The following EYS variants were observed in gnomAD, a reference collection of about 807,000 sequenced individuals.
EYS encodes EGF-like photoreceptor maintenance factor.
Under a neutral mutation model 282.1 loss-of-function variants are expected in EYS, and 250 were observed. That is an observed-to-expected ratio of 0.89 (90% CI 0.80 to 0.98). The LOEUF (loss-of-function observed/expected upper bound fraction) is 0.98, where lower values mean the gene tolerates loss of function less well. EYS is among the 50% of genes least tolerant of loss of function. The probability of loss-of-function intolerance (pLI) is 0.00; values close to 1 mark genes in which losing one functional copy is unlikely to be tolerated. For synonymous variants in EYS, 1,355 were observed against 1,282.9 expected (o/e 1.06, Z -1.20); for missense variants, 4,016 against 3,709.0 (o/e 1.08, Z -2.15).
At chr6:64,363,119 A>G (rs1772071137) in intron 29 of EYS, among the ~76,000 whole-genome samples, 1 of 151,544 alleles carries the variant, frequency 6.6e-6, no homozygotes, top group Non-Finnish European at 1.5e-5. Flanking sequence ...TATGTGGGCT[A>G]GACTTTCTTT....
At chr6:64,258,594 C>A (rs1337899846) in intron 30 of EYS, among the ~76,000 whole-genome samples, 1 of 151,980 alleles carries the variant, frequency 6.6e-6, no homozygotes, top group African/African-American at 2.4e-5. Context: ...TGACAGCTAT[C>A]CTGTTTCAAA....
intron 12 of EYS, among the ~76,000 whole-genome samples, chr6:65,141,022 G>T (rs970502241): frequency 1.4e-4 from 21 of 151,726 alleles, no homozygotes; most frequent in Non-Finnish European, 2.9e-4. Flanking sequence ...AAATCATGCT[G>T]CTATAAAGAC....
chr6:65,228,039 T>C (rs768316111), intron 12 of EYS, among the ~76,000 whole-genome samples: 3 of 151,998 alleles, frequency 2.0e-5, no homozygotes, highest in Non-Finnish European at 2.9e-5. Context: ...ACTACTGAAT[T>C]ATATGTTTTA....
chr6:64,368,556 G>A (rs751545692), intron 29 of EYS, among the ~76,000 whole-genome samples: 19 of 151,984 alleles, frequency 1.3e-4, no homozygotes, highest in Non-Finnish European at 1.9e-4. Flanking sequence ...TCTTTTCTCT[G>A]TAGCCTTGCC....
intron 26 of EYS, among the ~76,000 whole-genome samples, chr6:64,477,165 C>A (rs933334564): frequency 2.0e-5 from 3 of 152,106 alleles, no homozygotes; most frequent in Non-Finnish European, 4.4e-5. Context: ...CGTTTCTCTT[C>A]AGTGACTTTG....
intron 1 of EYS, among the ~76,000 whole-genome samples, chr6:65,684,797 C>A (rs1768952537): frequency 6.6e-6 from 1 of 152,008 alleles, no homozygotes; most frequent in African/African-American, 2.4e-5. Flanking sequence ...TATTTCATCA[C>A]CCAAGTAATA....
intron 31 of EYS, among the ~76,000 whole-genome samples, chr6:64,185,833 T>C (rs13198056): frequency 0.31 from 46,752 of 152,042 alleles, 7,267 homozygotes; most frequent in East Asian, 0.5. Flanking sequence ...AGATGTGCTA[T>C]TCACTTAATA....
At chr6:63,869,454 A>T (rs1450504177) in intron 35 of EYS, among the ~76,000 whole-genome samples, 1 of 152,136 alleles carries the variant, frequency 6.6e-6, no homozygotes, top group Non-Finnish European at 1.5e-5. Context: ...TTTCTTCCCC[A>T]GCAAGTGCAT....
chr6:64,347,040 A>G (rs1771431967), intron 29 of EYS, among the ~76,000 whole-genome samples: 2 of 151,438 alleles, frequency 1.3e-5, no homozygotes, highest in Non-Finnish European at 3.0e-5. Context: ...ACTACTTCAC[A>G]TCACATTCTT....
At chr6:64,080,321 A>G (rs1233895661) in intron 32 of EYS, among the ~76,000 whole-genome samples, 1 of 152,080 alleles carries the variant, frequency 6.6e-6, no homozygotes, top group Admixed American at 6.6e-5. Context: ...GATGATGAGC[A>G]TTTTTTCATG....
At chr6:64,124,983 C>T (rs1172638295) in intron 31 of EYS, among the ~76,000 whole-genome samples, 1 of 152,152 alleles carries the variant, frequency 6.6e-6, no homozygotes, top group Non-Finnish European at 1.5e-5. Flanking sequence ...ATAAAAATTC[C>T]TTTCTTCCAG....
intron 14 of EYS, among the ~76,000 whole-genome samples, chr6:64,984,737 C>T (rs1397741769): frequency 6.6e-6 from 1 of 151,396 alleles, no homozygotes; most frequent in Non-Finnish European, 1.5e-5. Context: ...CCTTACAGTG[C>T]AGCCAGGGAC....
chr6:65,269,754 G>C (rs1004328032), intron 12 of EYS, among the ~76,000 whole-genome samples: 1 of 152,062 alleles, frequency 6.6e-6, no homozygotes, highest in Admixed American at 6.6e-5. Context: ...CTCACTTCTC[G>C]TGCATCTTCA....
At chr6:64,215,838 A>G (rs1290115639) in intron 31 of EYS, among the ~76,000 whole-genome samples, 5 of 152,172 alleles carry the variant, frequency 3.3e-5, no homozygotes, top group Non-Finnish European at 5.9e-5. Flanking sequence ...CAATAGAGAA[A>G]GGCATAGGAT....
chr6:64,415,111 A>C (rs1252100709), intron 28 of EYS, among the ~76,000 whole-genome samples: 1 of 152,218 alleles, frequency 6.6e-6, no homozygotes, highest in African/African-American at 2.4e-5. Context: ...ATATGTGACT[A>C]GAAGAACCAC....
intron 28 of EYS, among the ~76,000 whole-genome samples, chr6:64,435,573 T>C (rs1292210815): frequency 6.6e-6 from 1 of 150,556 alleles, no homozygotes; most frequent in African/African-American, 2.4e-5. Context: ...CTCAAAGAAA[T>C]AAAAAAGGTG....
At chr6:64,316,844 T>C (rs1769987302) in intron 29 of EYS, among the ~76,000 whole-genome samples, 1 of 152,150 alleles carries the variant, frequency 6.6e-6, no homozygotes, top group African/African-American at 2.4e-5. Flanking sequence ...ACAAACAGCA[T>C]GGTACTGGTC....
At chr6:65,458,407 T>C (rs976815330) in intron 5 of EYS, among the ~76,000 whole-genome samples, 1 of 152,086 alleles carries the variant, frequency 6.6e-6, no homozygotes, top group Non-Finnish European at 1.5e-5. Context: ...CTCACCCATC[T>C]TATACTTGTT....
intron 32 of EYS, among the ~76,000 whole-genome samples, chr6:64,076,087 T>C (rs1461688770): frequency 6.6e-6 from 1 of 151,978 alleles, no homozygotes; most frequent in African/African-American, 2.4e-5. Flanking sequence ...CTGAGGGTTA[T>C]AGAAAAACTT....
Sources: allele counts gnomAD v4.1 joint callset (sites outside exome capture counted in the v4.1 genomes callset), GRCh38; gene constraint gnomAD v4.1.1; transcripts MANE v1.5; gene names NCBI Gene and HGNC (gene_info 2026-07-23, HGNC 2026-07-21).